The following STK32B variants were observed in gnomAD, a reference collection of about 807,000 sequenced individuals.
The protein encoded by STK32B is serine/threonine kinase 32B.
In STK32B, 43 loss-of-function variants were observed where a neutral mutation model predicts 52.6. The ratio of observed to expected loss-of-function variants is 0.82; its 90% CI spans 0.64 to 1.05. The LOEUF is 1.05. STK32B is among the 50% of genes least tolerant of loss of function. STK32B has a pLI of 0.00. For synonymous variants in STK32B, 238 were observed against 204.3 expected, an observed-to-expected ratio of 1.17 and a Z score of -1.41; for missense variants, 621 against 534.6, an observed-to-expected ratio of 1.16 and a Z score of -1.59.
the STK32B span, among the ~76,000 whole-genome samples, chr4:5,024,262 T>C: frequency 1.3e-5 from 2 of 152,208 alleles, no homozygotes; most frequent in Admixed American, 6.5e-5. Context: ...TTTTAGATAC[T>C]CTGGGTAGGC....
chr4:5,302,992 G>A (rs78770636), intron 3 of STK32B, among the ~76,000 whole-genome samples: 1 of 143,908 alleles, frequency 6.9e-6, no homozygotes, highest in African/African-American at 2.8e-5. Flanking sequence ...CTGTGTGTGT[G>A]TGTGTTTGTG....
chr4:5,324,542 C>G (rs567604902), intron 3 of STK32B, among the ~76,000 whole-genome samples: 3 of 152,090 alleles, frequency 2.0e-5, no homozygotes, highest in Non-Finnish European at 4.4e-5. Context: ...AGCACTGTTG[C>G]CATTTTGCAG....
upstream of STK32B, among the ~76,000 whole-genome samples, chr4:5,047,914 C>T (rs1273910141): frequency 2.0e-5 from 3 of 152,088 alleles, no homozygotes; most frequent in South Asian, 6.2e-4. Flanking sequence ...AGGGTGGGCC[C>T]TCAATCCAGT....
At chr4:5,297,853 G>A (rs561659978) in intron 3 of STK32B, among the ~76,000 whole-genome samples, 1 of 152,222 alleles carries the variant, frequency 6.6e-6, no homozygotes, top group South Asian at 2.1e-4. Flanking sequence ...CTTTGGGAGA[G>A]AAGAGGCATT....
intron 1 of STK32B, among the ~76,000 whole-genome samples, chr4:5,123,824 T>A (rs979316566): frequency 6.9e-6 from 1 of 145,552 alleles, no homozygotes; most frequent in African/African-American, 2.5e-5. Context: ...GGGATACAAT[T>A]TGATCCATGA....
At chr4:5,270,488 G>A (rs1255395461) in intron 3 of STK32B, among the ~76,000 whole-genome samples, 1 of 151,942 alleles carries the variant, frequency 6.6e-6, no homozygotes. Context: ...GATCTCCTTT[G>A]GTAACACCCT....
the STK32B span, among the ~76,000 whole-genome samples, chr4:5,022,437 G>A: frequency 2.0e-3 from 302 of 152,246 alleles, no homozygotes; most frequent in African/African-American, 5.5e-3. Context: ...GTGGACCCCC[G>A]CACGTGTGTT....
At chr4:5,443,126 T>C (rs1714961959) in intron 6 of STK32B, among the ~76,000 whole-genome samples, 1 of 151,174 alleles carries the variant, frequency 6.6e-6, no homozygotes, top group Admixed American at 6.6e-5. Context: ...GCATTCTCTG[T>C]ATTTCCTGAA....
chr4:5,254,450 T>A (rs2369675), intron 3 of STK32B, among the ~76,000 whole-genome samples: 92,119 of 151,958 alleles, frequency 0.61, 30,734 homozygotes, highest in African/African-American at 0.9. Context: ...TTCCTAATTT[T>A]TGTATATAAA....
At chr4:5,059,279 A>T (rs1224692013) in intron 1 of STK32B, among the ~76,000 whole-genome samples, 1 of 151,956 alleles carries the variant, frequency 6.6e-6, no homozygotes, top group Non-Finnish European at 1.5e-5. Context: ...ACACCTACCC[A>T]AACCAGCCCA....
intron 1 of STK32B, among the ~76,000 whole-genome samples, chr4:5,077,398 C>T (rs1350605097): frequency 1.5e-4 from 23 of 152,030 alleles, no homozygotes; most frequent in Non-Finnish European, 3.2e-4. Context: ...ATGTCACTGC[C>T]GTTGCCACAG....
At chr4:5,087,992 C>T (rs1046285718) in intron 1 of STK32B, among the ~76,000 whole-genome samples, 5 of 152,052 alleles carry the variant, frequency 3.3e-5, no homozygotes, top group Non-Finnish European at 5.9e-5. Context: ...GCAAAATGCA[C>T]ATTCTACTTA....
At chr4:5,414,099 T>A (rs1711945366) in intron 5 of STK32B, among the ~76,000 whole-genome samples, 1 of 152,186 alleles carries the variant, frequency 6.6e-6, no homozygotes, top group African/African-American at 2.4e-5. Context: ...AATAGGGAAT[T>A]GCTGAATAAA....
rs1056938234 is a variant in STK32B at position 5,421,508 on chromosome 4, A to G, written c.562+4574A>G. 2.6e-5 allele frequency among the ~76,000 whole-genome samples: 4 copies of G among 152,086 alleles called. No homozygotes were observed. The South Asian group carries it at 6.2e-4, about 24-fold the overall frequency. On this transcript the variant is annotated intron_variant, in intron 6 of 11. Transcript: ENST00000282908. ...CCAAAGTGCTGGGACTGCAGGCATG[A>G]GCCACCACACCTGGCCAAGTTCAAG...
chr4:5,131,417 A>G lies in STK32B; in HGVS notation c.53-8488A>G, dbSNP rs371111555. 1.6e-4 allele frequency among the ~76,000 whole-genome samples: 24 copies of G among 152,352 alleles called. 1 individual carries two copies. Among genetic ancestry groups the G allele is most frequent in the East Asian group, 3.9e-4 (2 of 5,178 alleles). On this transcript the variant is annotated intron_variant, in intron 1 of 11. Coordinates refer to ENST00000282908, the MANE Select transcript of STK32B (RefSeq NM_018401.3). Reference sequence around the variant, plus strand: ...CTTTGATTGAAGTTTGAATATTTCCAAACAGCTTAAACAAACATCAACAGA... The same window carrying G: ...CTTTGATTGAAGTTTGAATATTTCCGAACAGCTTAAACAAACATCAACAGA...
chr4:5,316,277 TATATTATATACA>T (rs1445546370), intron 3 of STK32B, among the ~76,000 whole-genome samples: 4 of 76,954 alleles, frequency 5.2e-5, no homozygotes. Flanking sequence ...GTATATATAA[TATATTATATACA>T]ATATTATATA....
rs555496978 is a variant in STK32B, at chr4:5,395,766, A to C, written c.435-2441A>C. ...CACACAGCAAAGGAAACTGAAGCAGAGGCAGAGATCATGCAGGTAGTCAAA... is the reference window on the plus strand; with the variant it reads ...CACACAGCAAAGGAAACTGAAGCAGCGGCAGAGATCATGCAGGTAGTCAAA... On this transcript the variant is annotated intron_variant, in intron 4 of 11. Coordinates refer to ENST00000282908, the MANE Select transcript of STK32B (RefSeq NM_018401.3). The surrounding 1 kb of genome is among the most constrained non-coding windows in gnomAD (Gnocchi z 4.4). Among the ~76,000 whole-genome samples the C allele has an allele frequency of 2.0e-5, 3 of 152,370 alleles. No homozygotes were observed. The highest frequency in any genetic ancestry group is 2.9e-5 in the Non-Finnish European group (2 of 68,032).
rs546720032 is a variant in STK32B, at chr4:5,476,300, G to C, written c.1106+8230G>C. On this transcript the variant is annotated intron_variant, in intron 11 of 11. Transcript: ENST00000282908. Reference sequence around the variant, plus strand: ...AGCTAGAGTGGGGATTCCACACATAGGTCTGAGGGATTCTCAAGCCCATTT... The same window carrying C: ...AGCTAGAGTGGGGATTCCACACATACGTCTGAGGGATTCTCAAGCCCATTT... Among the ~76,000 whole-genome samples, 124 of 152,230 alleles carry C rather than the reference G, an allele frequency of 8.1e-4. 2 individuals carry two copies. Among genetic ancestry groups the C allele is most frequent in the African/African-American group, 2.9e-3 (120 of 41,530 alleles).
Position 5,344,759 on chromosome 4 carries a change from C to T in STK32B, c.434+13366C>T, listed in dbSNP as rs114464682. 8.0e-3 allele frequency among the ~76,000 whole-genome samples: 1,208 copies of T among 151,858 alleles called. 12 individuals are homozygous for T. The highest frequency in any genetic ancestry group is 0.028 in the African/African-American group (1,156 of 41,408). ...TTAATTCCAAAACACTAGCCAACAC[C>T]TTTCTTTAGTTAAAACAGTTTTATC... On this transcript the variant is annotated intron_variant, in intron 4 of 11. Coordinates refer to ENST00000282908, the MANE Select transcript of STK32B (RefSeq NM_018401.3).
Sources: gnomAD v4.1 joint callset for allele counts (sites outside exome capture counted in the v4.1 genomes callset) on GRCh38, gnomAD v4.1.1 for gene constraint, Gnocchi (gnomAD v3.1) non-coding constraint, MANE v1.5 for transcripts, NCBI Gene and HGNC (gene_info 2026-07-23, HGNC 2026-07-21) for gene names.